Variants in DPY19L3 observed in about 807,000 individuals in gnomAD.
DPY19L3 encodes the protein protein C-mannosyl-transferase DPY19L3.
In DPY19L3, 51 loss-of-function variants were observed where a neutral mutation model predicts 92.3. That is an observed-to-expected ratio of 0.55 (90% confidence interval 0.44 to 0.70). The LOEUF is 0.70. Among genes scored for constraint, DPY19L3 ranks in the 30% least tolerant of loss-of-function variants. The probability of loss-of-function intolerance (pLI) is 0.00; values close to 1 mark genes in which losing one functional copy is unlikely to be tolerated. For missense variants in DPY19L3, 706 were observed against 855.9 expected (o/e 0.82, Z 2.18); for synonymous variants, 309 against 315.2 (o/e 0.98, Z 0.21).
intron 8 of DPY19L3, among the ~76,000 whole-genome samples, chr19:32,446,143 C>T (rs762963573): frequency 6.6e-6 from 1 of 152,094 alleles, no homozygotes; most frequent in Non-Finnish European, 1.5e-5. Flanking sequence ...CTATGCCTCA[C>T]TCAAACAGTT....
chr19:32,423,668 A>G (rs1968657526), intron 3 of DPY19L3, among the ~76,000 whole-genome samples: 1 of 152,120 alleles, frequency 6.6e-6, no homozygotes, highest in African/African-American at 2.4e-5. Flanking sequence ...ATAACATAAC[A>G]GTGTAATACG....
Position 32,432,744 on chromosome 19 carries a change from C to T in DPY19L3, c.266C>T (p.Thr89Ile). ...KEVEREISFR[T>I]ECGLYYSYYK... ...GTGGAGCGAGAAATCTCATTCAGAA[C>T]AGAGTGTGGCCTGTATTACTCCTAC... Residue 89 changes from threonine (T) to isoleucine (I), a missense_variant, in exon 4 of 19, where the codon ACA becomes ATA. Coordinates refer to ENST00000392250, the MANE Select transcript of DPY19L3 (RefSeq NM_001172774.2). 6.2e-7 allele frequency: 1 copy of T among 1,613,924 alleles called. No homozygotes were observed. The highest frequency in any genetic ancestry group is 1.1e-5 in the South Asian group (1 of 91,076).
chr19:32,473,051 CATT>C (rs1970403126), intron 16 of DPY19L3, among the ~76,000 whole-genome samples: 1 of 152,112 alleles, frequency 6.6e-6, no homozygotes, highest in Non-Finnish European at 1.5e-5. Context: ...AATGTTCACA[CATT>C]ATATTATAAT....
Position 32,467,622 on chromosome 19 carries a change from A to G in DPY19L3, c.1615-1109A>G, listed in dbSNP as rs1382450414. The stretch of plus-strand genomic sequence containing the variant: ...AGGTCTCAAACACAGCCAGAGATCA[A>G]TCAGGTGCTGCTTTGATTCTACTAG... On this transcript the variant is annotated intron_variant, in intron 15 of 18. Coordinates refer to ENST00000392250, the MANE Select transcript of DPY19L3 (RefSeq NM_001172774.2). 3 of 987,538 alleles carry G rather than the reference A, an allele frequency of 3.0e-6. No homozygotes were observed. The African/African-American group carries it at 5.2e-5, about 17-fold the overall frequency. 61.2% of individuals were successfully genotyped at this position (987,538 alleles called of 1,614,324 possible). A position where few individuals can be genotyped will look rare whatever the true frequency, so the allele number is the denominator to read the frequency against.
chr19:32,417,842 C>T (rs1000735900), intron 3 of DPY19L3, among the ~76,000 whole-genome samples: 6 of 152,118 alleles, frequency 3.9e-5, no homozygotes, highest in Admixed American at 1.3e-4. Flanking sequence ...GTTACCTCCC[C>T]GTAACCAGGG....
intron 5 of DPY19L3, among the ~76,000 whole-genome samples, chr19:32,436,916 C>G (rs1381027322): frequency 6.6e-6 from 1 of 151,906 alleles, no homozygotes; most frequent in African/African-American, 2.4e-5. Flanking sequence ...ATGACCACTT[C>G]TCATGTGAAT....
chr19:32,463,307 A>G, intron 12 of DPY19L3, 59 bp from the exon 13 acceptor site: 1 of 1,579,990 alleles, frequency 6.3e-7, no homozygotes, highest in Non-Finnish European at 8.7e-7. Context: ...CTTCTTTTAC[A>G]AAGATCTAAC....
chr19:32,480,545 T>C lies in DPY19L3; in HGVS notation c.1977T>C (p.Ile659=). 1 of 1,612,904 alleles carries C rather than the reference T, an allele frequency of 6.2e-7. No homozygotes were observed. The highest frequency in any genetic ancestry group is 8.5e-7 in the Non-Finnish European group (1 of 1,179,426). Residue 659 remains isoleucine, a synonymous_variant, in exon 18 of 19, where the codon ATT becomes ATC. Coordinates refer to ENST00000392250, the MANE Select transcript of DPY19L3 (RefSeq NM_001172774.2). Reference sequence around the variant, plus strand: ...GCCGACTCCGGGACCTGCTGGACATTGCCAACGGCCACGTGAGCATGCTGC... The same window carrying C: ...GCCGACTCCGGGACCTGCTGGACATCGCCAACGGCCACGTGAGCATGCTGC... ...RGCRLRDLLD[I]ANGHMMDGPG...
At chr19:32,452,483 T>C (rs981038313) in intron 8 of DPY19L3, among the ~76,000 whole-genome samples, 9 of 152,338 alleles carry the variant, frequency 5.9e-5, no homozygotes, top group African/African-American at 2.2e-4. Context: ...AAAGTACTTA[T>C]TGGTGGTCAT....
chr19:32,477,471 C>T (rs765792341), intron 16 of DPY19L3, 51 bp from the exon 17 acceptor site: 2 of 1,607,984 alleles, frequency 1.2e-6, no homozygotes, highest in African/African-American at 2.7e-5. Flanking sequence ...TCTTTGTTGT[C>T]TTTAAGGATC....
rs1303735993 is a variant in DPY19L3 at position 32,411,383 on chromosome 19, T to A, written c.237+11T>A. ...TTTTCTAATATTAAGGTATGGAGTTTCTTTGACCATTGTATCATTCACTCA... is the reference window on the plus strand; with the variant it reads ...TTTTCTAATATTAAGGTATGGAGTTACTTTGACCATTGTATCATTCACTCA... On this transcript the variant is annotated intron_variant, in intron 3 of 18. Coordinates refer to ENST00000392250, the MANE Select transcript of DPY19L3 (RefSeq NM_001172774.2). The A allele has an allele frequency of 6.2e-7, 1 of 1,613,970 alleles. No individual in the cohort carries two copies. Among genetic ancestry groups the A allele is most frequent in the Non-Finnish European group, 8.5e-7 (1 of 1,179,968 alleles).
At chr19:32,438,067 T>G (rs1446729119) in intron 6 of DPY19L3, among the ~76,000 whole-genome samples, 1 of 152,200 alleles carries the variant, frequency 6.6e-6, no homozygotes, top group African/African-American at 2.4e-5. Context: ...CAAGGGCGTT[T>G]TTGCCTTATT....
chr19:32,452,383 C>T (rs1163443086), intron 8 of DPY19L3, among the ~76,000 whole-genome samples: 1 of 152,166 alleles, frequency 6.6e-6, no homozygotes, highest in African/African-American at 2.4e-5. Context: ...GCAGTCTAAT[C>T]AGGGGATCTG....
intron 12 of DPY19L3, among the ~76,000 whole-genome samples, chr19:32,463,008 G>A (rs917162682): frequency 6.6e-6 from 1 of 151,568 alleles, no homozygotes; most frequent in African/African-American, 2.4e-5. Context: ...GTAAAAATTT[G>A]AAAAATACTC....
chr19:32,415,173 G>T (rs1968335822), intron 3 of DPY19L3, among the ~76,000 whole-genome samples: 1 of 152,206 alleles, frequency 6.6e-6, no homozygotes, highest in Non-Finnish European at 1.5e-5. Flanking sequence ...TCAGTATCCA[G>T]ACAATTACAG....
chr19:32,436,611 A>G (rs775644223), intron 5 of DPY19L3, 44 bp downstream of exon 5: 1 of 1,382,034 alleles, frequency 7.2e-7, no homozygotes, highest in East Asian at 2.6e-5. Context: ...ATGAAAGTCA[A>G]AGTCTGCCAT....
At chr19:32,411,135 G>C (rs925214091) in intron 2 of DPY19L3, 104 bp from the exon 3 acceptor site, 55 of 1,239,606 alleles carry the variant, frequency 4.4e-5, no homozygotes, top group Admixed American at 2.5e-5. Context: ...AGCTTTCCCA[G>C]TGACAGGCAG....
intron 10 of DPY19L3, among the ~76,000 whole-genome samples, chr19:32,456,373 G>T (rs558562812): frequency 7.2e-5 from 11 of 151,800 alleles, no homozygotes; most frequent in African/African-American, 2.7e-4. Context: ...CCAGCTGTCA[G>T]TATGTTCTTA....
chr19:32,412,558 A>G (rs890061224), intron 3 of DPY19L3: 1 of 151,762 alleles, frequency 6.6e-6, no homozygotes, highest in African/African-American at 2.4e-5. Context: ...ACTATCTAAT[A>G]CTCTGTGCAA....
Sources: gnomAD v4.1 joint callset for allele counts (sites outside exome capture counted in the v4.1 genomes callset) on GRCh38, gnomAD v4.1.1 for gene constraint, MANE v1.5 for transcripts, NCBI Gene and HGNC (gene_info 2026-07-23, HGNC 2026-07-21) for gene names.